FER: variants seen among roughly 807,000 people sequenced by gnomAD.
FER encodes the protein FER tyrosine kinase.
A neutral mutation model predicts 111.0 loss-of-function variants in FER; 63 were observed. That is an observed-to-expected ratio of 0.57 (90% CI 0.46 to 0.70). The LOEUF (loss-of-function observed/expected upper bound fraction) is 0.70, where lower values mean the gene tolerates loss of function less well. FER is among the 30% of genes least tolerant of loss of function. FER has a pLI of 0.00. For missense variants in FER, 914 were observed against 954.0 expected (o/e 0.96, Z 0.55); for synonymous variants, 327 against 313.9 (o/e 1.04, Z -0.44).
chr5:109,040,028 A>T (rs1770933142), intron 14 of FER, among the ~76,000 whole-genome samples: 2 of 152,218 alleles, frequency 1.3e-5, no homozygotes, highest in South Asian at 4.2e-4. Flanking sequence ...AATTGAACCA[A>T]TTGAATATCC....
intron 13 of FER, among the ~76,000 whole-genome samples, chr5:109,024,984 T>A (rs1190522654): frequency 6.6e-6 from 1 of 151,670 alleles, no homozygotes; most frequent in Non-Finnish European, 1.5e-5. Context: ...TCTATATCTC[T>A]GTTTTGGTAC....
intron 5 of FER, among the ~76,000 whole-genome samples, chr5:108,846,829 C>T (rs1363925005): frequency 1.3e-5 from 2 of 152,014 alleles, no homozygotes; most frequent in African/African-American, 4.8e-5. Context: ...GTGATCTTCC[C>T]GCCTCGGCCT....
chr5:109,004,175 G>A (rs1268703238), intron 13 of FER, among the ~76,000 whole-genome samples: 1 of 152,114 alleles, frequency 6.6e-6, no homozygotes, highest in Non-Finnish European at 1.5e-5. Flanking sequence ...GCTATCCTAT[G>A]CTCTAAATGA....
intron 13 of FER, among the ~76,000 whole-genome samples, chr5:108,967,606 A>C (rs1273499874): frequency 2.6e-5 from 4 of 151,902 alleles, no homozygotes; most frequent in African/African-American, 9.7e-5. Flanking sequence ...CTAAAAATAC[A>C]AAAATTAGCT....
At chr5:108,953,889 A>AAAC (rs920859790) in intron 11 of FER, among the ~76,000 whole-genome samples, 3 of 152,082 alleles carry the variant, frequency 2.0e-5, no homozygotes, top group Admixed American at 1.3e-4. Context: ...TGTGCCATAA[A>AAAC]AACAACAACA....
chr5:108,833,091 A>G (rs933635697), intron 4 of FER, 148 bp downstream of exon 4: 2 of 607,296 alleles, frequency 3.3e-6, no homozygotes, highest in Admixed American at 7.1e-5. Flanking sequence ...ATCTTATTGA[A>G]CATAAAACAT....
At chr5:109,018,188 A>G (rs1261711434) in intron 13 of FER, among the ~76,000 whole-genome samples, 1 of 151,852 alleles carries the variant, frequency 6.6e-6, no homozygotes, top group Non-Finnish European at 1.5e-5. Flanking sequence ...AAACAGGCTG[A>G]AATAATTTTA....
chr5:109,033,967 A>G (rs575829590), intron 13 of FER, among the ~76,000 whole-genome samples: 2 of 152,194 alleles, frequency 1.3e-5, no homozygotes, highest in Non-Finnish European at 2.9e-5. Flanking sequence ...ATCACTTCAC[A>G]TAACTTATTT....
chr5:109,110,512 A>G (rs1176414893), intron 17 of FER, among the ~76,000 whole-genome samples: 2 of 152,128 alleles, frequency 1.3e-5, no homozygotes, highest in African/African-American at 2.4e-5. Flanking sequence ...GAGTTGTTAC[A>G]TGGCCAGATC....
intron 16 of FER, among the ~76,000 whole-genome samples, chr5:109,079,531 A>G (rs143079728): frequency 0.012 from 1,819 of 152,256 alleles, 18 homozygotes; most frequent in Non-Finnish European, 0.02. Context: ...AAAACATAAT[A>G]ATTTTAGCTT....
At chr5:108,927,727 G>A (rs1382168272) in intron 10 of FER, among the ~76,000 whole-genome samples, 4 of 152,086 alleles carry the variant, frequency 2.6e-5, no homozygotes, top group African/African-American at 9.7e-5. Flanking sequence ...GTGCTCTCTG[G>A]TTTAGTCTCT....
At position 108,946,174 on chromosome 5, in the gene FER, A is replaced by T; in HGVS notation, c.1281A>T (p.Ser427=). The T allele has an allele frequency of 6.2e-7, 1 of 1,612,444 alleles. No homozygotes were observed. The highest frequency in any genetic ancestry group is 1.1e-5 in the South Asian group (1 of 91,056). The change falls in exon 11 of 20, where the codon TCA becomes TCT. Residue 427 remains serine, a synonymous_variant. Coordinates refer to ENST00000281092, the MANE Select transcript of FER (RefSeq NM_005246.4). ...CCAAATTTGAATCTATTCGTCATTC[A>T]ATTGCTGGAATAATTAGGTCTCCAA... ...RLSKFESIRH[S]IAGIIRSPKS...
At chr5:109,029,556 C>T (rs543887627) in intron 13 of FER, among the ~76,000 whole-genome samples, 46 of 151,438 alleles carry the variant, frequency 3.0e-4, no homozygotes, top group South Asian at 2.5e-3. Context: ...AGCCACTGTG[C>T]CCAGCCTTGT....
intron 2 of FER, among the ~76,000 whole-genome samples, chr5:108,793,362 C>A (rs190427395): frequency 6.6e-6 from 1 of 152,124 alleles, no homozygotes; most frequent in Admixed American, 6.5e-5. Context: ...CTGAATAGTA[C>A]TCCATTGCGT....
chr5:109,022,052 C>T (rs1417515127), intron 13 of FER, among the ~76,000 whole-genome samples: 1 of 152,090 alleles, frequency 6.6e-6, no homozygotes, highest in Non-Finnish European at 1.5e-5. Context: ...ACTTCTCTGG[C>T]TCCATTTTGG....
At chr5:108,811,621 C>T (rs532808478) in intron 3 of FER, among the ~76,000 whole-genome samples, 2 of 151,912 alleles carry the variant, frequency 1.3e-5, no homozygotes, top group South Asian at 2.1e-4. Flanking sequence ...AGAAACAGAA[C>T]CAATAGGAGA....
chr5:108,849,588 A>G (rs1762356242), intron 5 of FER, among the ~76,000 whole-genome samples: 1 of 152,146 alleles, frequency 6.6e-6, no homozygotes, highest in Non-Finnish European at 1.5e-5. Flanking sequence ...CTTTTTGAAC[A>G]TACTGAATAC....
At chr5:109,003,609 A>G (rs1177335053) in intron 13 of FER, among the ~76,000 whole-genome samples, 1 of 152,088 alleles carries the variant, frequency 6.6e-6, no homozygotes, top group African/African-American at 2.4e-5. Context: ...TAAAACTTAA[A>G]GTATAATAAT....
chr5:108,928,637 G>A (rs980287779), intron 10 of FER, among the ~76,000 whole-genome samples: 5 of 151,862 alleles, frequency 3.3e-5, no homozygotes, highest in African/African-American at 1.2e-4. Context: ...TTAATTTCTA[G>A]CAAAAGGTTT....
Sources: allele counts gnomAD v4.1 joint callset (sites outside exome capture counted in the v4.1 genomes callset), GRCh38; gene constraint gnomAD v4.1.1; transcripts MANE v1.5; gene names NCBI Gene and HGNC (gene_info 2026-07-23, HGNC 2026-07-21).